C2CD3: variants seen among roughly 807,000 people sequenced by gnomAD.
C2CD3 encodes the protein C2 domain-containing protein 3.
In C2CD3, 148 loss-of-function variants were observed where a neutral mutation model predicts 234.0. The ratio of observed to expected loss-of-function variants is 0.63; its 90% CI spans 0.55 to 0.72. The LOEUF (loss-of-function observed/expected upper bound fraction) is 0.72, where lower values mean the gene tolerates loss of function less well. Among genes scored for constraint, C2CD3 ranks in the 30% least tolerant of loss-of-function variants. The pLI is 0.00. For missense variants in C2CD3, 2,577 were observed against 2,811.5 expected (o/e 0.92, Z 1.89); for synonymous variants, 1,000 against 1,035.4 (o/e 0.97, Z 0.66).
Position 74,103,627 on chromosome 11 carries a change from T to G in C2CD3, c.2086-2A>C, listed in dbSNP as rs1163903783. 2 of 1,602,686 alleles carry G rather than the reference T, an allele frequency of 1.2e-6. No individual in the cohort carries two copies. The highest frequency in any genetic ancestry group is 1.7e-6 in the Non-Finnish European group (2 of 1,175,272). On this transcript the variant is annotated splice_acceptor_variant, in intron 13 of 32. Transcript: ENST00000334126. LOFTEE classifies it high-confidence loss of function. ...ATCTGTAATAAGCTCCATGGTTACC[T>G]GTAAAACACAAAAGGAGAAGAGTCA...
chr11:74,083,193 A>G (rs537839964), intron 22 of C2CD3, among the ~76,000 whole-genome samples: 30 of 152,342 alleles, frequency 2.0e-4, no homozygotes, highest in African/African-American at 6.7e-4. Context: ...AAATGGGGAA[A>G]GGATTCCCTA....
At chr11:74,089,097 C>T (rs1419515226) in intron 20 of C2CD3, among the ~76,000 whole-genome samples, 1 of 151,878 alleles carries the variant, frequency 6.6e-6, no homozygotes, top group Non-Finnish European at 1.5e-5. Flanking sequence ...AAAGGGTATG[C>T]TACCTTTTTT....
chr11:74,068,026 A>G (rs1306080801), intron 24 of C2CD3, among the ~76,000 whole-genome samples: 3 of 152,320 alleles, frequency 2.0e-5, no homozygotes, highest in East Asian at 1.9e-4. Flanking sequence ...GGCTATGACG[A>G]GAGCTTCTGA....
rs151247597 is a variant in C2CD3, at chr11:74,042,812, C to T, written c.5496-594G>A. Among the ~76,000 whole-genome samples the T allele has an allele frequency of 4.5e-3, 677 of 151,868 alleles. 3 individuals carry two copies. The highest frequency in any genetic ancestry group is 0.034 in the Middle Eastern group (10 of 290). On this transcript the variant is annotated intron_variant, in intron 28 of 32. Coordinates refer to ENST00000334126, the MANE Select transcript of C2CD3 (RefSeq NM_001286577.2). ...AAATCTGAAGTAATAATAACAAGAG[C>T]AACAATAACAACAATATATTTGGCG... is the stretch of plus-strand genomic sequence containing the variant.
chr11:74,034,088 G>T lies in C2CD3; in HGVS notation c.6072C>A (p.Leu2024=), dbSNP rs1040322278. Reference sequence around the variant, plus strand: ...TTCTTCCTCCATTTGAAGTCTCTTCGAGAGGAGGGGGTGATGGGGAATCTG... The same window carrying T: ...TTCTTCCTCCATTTGAAGTCTCTTCTAGAGGAGGGGGTGATGGGGAATCTG... ...KGTDSPSPPP[L]EETSNGGRML... is the part of the protein sequence containing the mutation. The change falls in exon 31 of 33, where the codon CTC becomes CTA. Residue 2024 remains leucine, a synonymous_variant. Coordinates refer to ENST00000334126, the MANE Select transcript of C2CD3 (RefSeq NM_001286577.2). 3.9e-6 allele frequency: 6 copies of T among 1,536,198 alleles called. No individual in the cohort carries two copies. The highest frequency in any genetic ancestry group is 5.2e-6 in the Non-Finnish European group (6 of 1,146,924).
At chr11:74,166,325 A>C (rs1026274826) in intron 2 of C2CD3, among the ~76,000 whole-genome samples, 58 of 150,632 alleles carry the variant, frequency 3.9e-4, no homozygotes, top group African/African-American at 1.4e-3. Context: ...TTAAAAAAAA[A>C]AAAAAAAAAA....
At chr11:74,144,704 C>T (rs933192672) in intron 3 of C2CD3, among the ~76,000 whole-genome samples, 2 of 152,094 alleles carry the variant, frequency 1.3e-5, no homozygotes, top group Non-Finnish European at 2.9e-5. Context: ...ACGTGTGGTG[C>T]TTGGTTTTCT....
intron 24 of C2CD3, among the ~76,000 whole-genome samples, chr11:74,064,325 CT>C (rs1954401839): frequency 6.6e-6 from 1 of 152,116 alleles, no homozygotes; most frequent in African/African-American, 2.4e-5. Context: ...TTCACAATTG[CT>C]TCAAAGAGAA....
intron 24 of C2CD3, among the ~76,000 whole-genome samples, chr11:74,060,528 A>G (rs1954183891): frequency 6.6e-6 from 1 of 152,314 alleles, no homozygotes; most frequent in South Asian, 2.1e-4. Flanking sequence ...ACCTCCAGCA[A>G]ATTTCTAACA....
In C2CD3 at chr11:74,111,969, CAT is replaced by C. The variant is rs1262518509; in HGVS notation, c.1843+1809_1843+1810del. On this transcript the variant is annotated intron_variant, in intron 11 of 32. Transcript: ENST00000334126. ...ACACACACACACACACACACACACA[CAT>C]ATATATATACACACACACATTATCT... Among the ~76,000 whole-genome samples, 685 of 84,438 alleles carry C rather than the reference CAT, an allele frequency of 8.1e-3. 8 individuals carry two copies. Among genetic ancestry groups the C allele is most frequent in the African/African-American group, 0.02 (434 of 21,466 alleles). The allele number at this position is 84,438 out of a possible 152,430, so 55.4% of individuals were successfully genotyped here.
At chr11:74,168,259 A>T in intron 2 of C2CD3, 85 bp downstream of exon 2, 1 of 1,068,556 alleles carries the variant, frequency 9.4e-7, no homozygotes, top group Non-Finnish European at 1.4e-6. Context: ...CATATATGCT[A>T]GGTACACAAC....
chr11:74,165,314 C>T (rs1405653), intron 2 of C2CD3, among the ~76,000 whole-genome samples: 40,794 of 151,866 alleles, frequency 0.27, 6,523 homozygotes, highest in African/African-American at 0.45. Context: ...CTATATATTT[C>T]ACTCATTTGT....
In C2CD3 at chr11:74,170,845, A is replaced by T; in HGVS notation, c.-53T>A. ...TCAACTCCGTCTCCAGCACCTAAGC[A>T]GTATCCTCCCGCCATCCCTCCCCAC... On this transcript the variant is annotated 5_prime_UTR_variant, in exon 1 of 33. Transcript: ENST00000334126. 6.2e-7 allele frequency: 1 copy of T among 1,600,062 alleles called. No homozygotes were observed. Among genetic ancestry groups the T allele is most frequent in the Non-Finnish European group, 8.5e-7 (1 of 1,171,304 alleles).
intron 3 of C2CD3, among the ~76,000 whole-genome samples, chr11:74,154,381 T>C (rs1190231406): frequency 6.6e-6 from 1 of 151,960 alleles, no homozygotes. Context: ...TGCTTCTGAG[T>C]TGTAGTCCTC....
Position 74,133,571 on chromosome 11 carries a change from A to G in C2CD3, c.956-14T>C, listed in dbSNP as rs116645333. 1.1e-4 allele frequency: 179 copies of G among 1,613,424 alleles called. 1 individual carries two copies. The African/African-American group carries it at 2.3e-3, about 20-fold the overall frequency. On this transcript the variant is annotated splice_polypyrimidine_tract_variant and intron_variant, in intron 5 of 32. Transcript: ENST00000334126. ...GTTCTAACAGAGCTGAAGAGGGTAA[A>G]TGCAGAAAACAGAAAAATCCAAAAT...
In C2CD3 at chr11:74,103,349, G is replaced by A; in HGVS notation, c.2362C>T (p.His788Tyr). 1 of 1,614,238 alleles carries A rather than the reference G, an allele frequency of 6.2e-7. No homozygotes were observed. Among genetic ancestry groups the A allele is most frequent in the African/African-American group, 1.3e-5 (1 of 75,062 alleles). The part of the protein sequence containing the change: ...PSTFVATPAS[H>Y]NLVNQTNGTT... Reference sequence around the variant, plus strand: ...CCATTTGTCTGATTGACTAAATTATGGGAGGCTGGCGTAGCTACGAAGGTT... The same window carrying A: ...CCATTTGTCTGATTGACTAAATTATAGGAGGCTGGCGTAGCTACGAAGGTT... Residue 788 changes from histidine (H) to tyrosine (Y), a missense_variant, in exon 14 of 33, where the codon CAT (histidine) becomes TAT (tyrosine). Transcript: ENST00000334126.
chr11:74,117,048 GTATATATATATGAATATATATATATGAA>G (rs1389705795), intron 9 of C2CD3, among the ~76,000 whole-genome samples: 6 of 49,040 alleles, frequency 1.2e-4, no homozygotes, highest in African/African-American at 3.1e-4. Flanking sequence ...ACGTGTGTGT[GTATATATATATGAATATATATATATGAA>G]TATATATATG....
At chr11:74,071,684 A>T (rs967848010) in intron 24 of C2CD3, among the ~76,000 whole-genome samples, 9 of 152,206 alleles carry the variant, frequency 5.9e-5, no homozygotes, top group Admixed American at 5.2e-4. Flanking sequence ...ATTTTGTAAT[A>T]TCTGCATTAT....
intron 32 of C2CD3, among the ~76,000 whole-genome samples, chr11:74,025,789 G>T (rs1952270377): frequency 1.3e-5 from 2 of 152,098 alleles, no homozygotes; most frequent in South Asian, 4.2e-4. Flanking sequence ...ATCCTATTAG[G>T]TATGAATTAT....
Sources: allele counts gnomAD v4.1 joint callset (sites outside exome capture counted in the v4.1 genomes callset), GRCh38; gene constraint gnomAD v4.1.1; transcripts MANE v1.5; gene names NCBI Gene and HGNC (gene_info 2026-07-23, HGNC 2026-07-21).